Variants in RNF4 observed in about 807,000 individuals in gnomAD.
RNF4 encodes ring finger protein 4.
Under a neutral mutation model 24.3 loss-of-function variants are expected in RNF4, and 7 were observed. The ratio of observed to expected loss-of-function variants is 0.29; its 90% CI spans 0.16 to 0.54. The LOEUF is 0.54. Ranked by LOEUF, RNF4 falls within the 20% of genes least tolerant of loss-of-function variation. The pLI, the probability that RNF4 is intolerant of heterozygous loss-of-function variation, is 0.95. For synonymous variants in RNF4, 83 were observed against 84.3 expected (o/e 0.98, Z 0.09); for missense variants, 209 against 248.5 (o/e 0.84, Z 1.07).
chr4:2,492,394 C>T (rs944580181), intron 2 of RNF4, among the ~76,000 whole-genome samples: 9 of 152,222 alleles, frequency 5.9e-5, no homozygotes, highest in Admixed American at 1.3e-4. Flanking sequence ...CTCCTGGAAC[C>T]CCTTGAGCTC....
intron 3 of RNF4, among the ~76,000 whole-genome samples, chr4:2,498,243 G>A (rs755536199): frequency 9.2e-5 from 14 of 152,046 alleles, no homozygotes; most frequent in Non-Finnish European, 1.9e-4. Flanking sequence ...GAGTGCAATC[G>A]CGTGATCTCG....
chr4:2,510,735 T>A (rs2108779021), intron 4 of RNF4, among the ~76,000 whole-genome samples: 1 of 152,304 alleles, frequency 6.6e-6, no homozygotes, highest in East Asian at 1.9e-4. Context: ...GTGAGAACTT[T>A]CCTGAAACAG....
chr4:2,497,773 T>TA (rs1469779257), intron 3 of RNF4, among the ~76,000 whole-genome samples: 1 of 151,980 alleles, frequency 6.6e-6, no homozygotes, highest in Non-Finnish European at 1.5e-5. Context: ...TAGCTGGGAC[T>TA]ATAGGCACCC....
chr4:2,486,896 T>C (rs948276904), intron 1 of RNF4, among the ~76,000 whole-genome samples: 4 of 152,160 alleles, frequency 2.6e-5, no homozygotes, highest in Non-Finnish European at 4.4e-5. Context: ...ATATGATAGA[T>C]GTGCACCCAA....
At chr4:2,502,314 C>T (rs947898483) in intron 4 of RNF4, among the ~76,000 whole-genome samples, 2 of 152,200 alleles carry the variant, frequency 1.3e-5, no homozygotes, top group Non-Finnish European at 2.9e-5. Flanking sequence ...TGCAGGAAGA[C>T]AATGATTGAT....
intron 1 of RNF4, among the ~76,000 whole-genome samples, chr4:2,474,204 T>C (rs2108748196): frequency 8.6e-6 from 1 of 116,868 alleles, no homozygotes; most frequent in East Asian, 2.4e-4. Flanking sequence ...TGAAACACCG[T>C]CTCTACTAAA....
At chr4:2,477,959 A>G (rs950265252) in intron 1 of RNF4, among the ~76,000 whole-genome samples, 14 of 152,356 alleles carry the variant, frequency 9.2e-5, no homozygotes, top group African/African-American at 2.9e-4. Context: ...GGAACTCGCT[A>G]GAGACTTGTT....
intron 2 of RNF4, among the ~76,000 whole-genome samples, chr4:2,491,905 TAAGA>T (rs1236987609): frequency 2.6e-5 from 4 of 150,948 alleles, no homozygotes; most frequent in Middle Eastern, 3.4e-3. Context: ...GGCCAATTTT[TAAGA>T]AAAAATTGGC....
In RNF4 at chr4:2,469,201, G is replaced by C. The variant is rs1560395780; in HGVS notation, c.-215G>C. The C allele has an allele frequency of 6.6e-6, 1 of 152,234 alleles. No individual in the cohort carries two copies. Among genetic ancestry groups the C allele is most frequent in the Non-Finnish European group, 1.5e-5 (1 of 68,066 alleles). The allele number at this position is 152,234 out of a possible 1,614,324, so 9.4% of individuals were successfully genotyped here. On this transcript the variant is annotated 5_prime_UTR_variant, in exon 1 of 8. Transcript: ENST00000314289. ...GCTTCTTCTCCGGAGTGCGCCGGCG[G>C]TGGCGCCTGCGGACCTAACTAGCTC...
At chr4:2,471,780 G>A (rs1024625642) in intron 1 of RNF4, among the ~76,000 whole-genome samples, 4 of 152,150 alleles carry the variant, frequency 2.6e-5, no homozygotes, top group Non-Finnish European at 5.9e-5. Flanking sequence ...AGCCTAATCC[G>A]GAGCAAGGTA....
At chr4:2,473,798 G>A (rs539873417) in intron 1 of RNF4, among the ~76,000 whole-genome samples, 184 of 152,056 alleles carry the variant, frequency 1.2e-3, no homozygotes, top group African/African-American at 4.3e-3. Flanking sequence ...GCGACAGAGC[G>A]AGACTCTGTC....
At chr4:2,472,138 A>C (rs145823583) in intron 1 of RNF4, among the ~76,000 whole-genome samples, 2 of 152,304 alleles carry the variant, frequency 1.3e-5, no homozygotes, top group East Asian at 3.9e-4. Context: ...CAGTGACTTA[A>C]GTTGTAACTA....
chr4:2,497,558 G>A (rs957035398), intron 3 of RNF4, among the ~76,000 whole-genome samples: 1 of 152,198 alleles, frequency 6.6e-6, no homozygotes, highest in African/African-American at 2.4e-5. Flanking sequence ...TCAAGAAGTG[G>A]TTGATGGCTG....
At chr4:2,482,831 T>C (rs1735281987) in intron 1 of RNF4, among the ~76,000 whole-genome samples, 1 of 143,212 alleles carries the variant, frequency 7.0e-6, no homozygotes, top group Non-Finnish European at 1.6e-5. Flanking sequence ...TAGGAATAAA[T>C]AACTCTGGGT....
intron 4 of RNF4, among the ~76,000 whole-genome samples, chr4:2,503,992 G>A (rs887433626): frequency 6.6e-6 from 1 of 152,144 alleles, no homozygotes; most frequent in Non-Finnish European, 1.5e-5. Context: ...TGAGCAAGGA[G>A]GATCACTTGA....
At chr4:2,509,586 C>T (rs1736207591) in intron 4 of RNF4, among the ~76,000 whole-genome samples, 1 of 152,100 alleles carries the variant, frequency 6.6e-6, no homozygotes, top group South Asian at 2.1e-4. Context: ...CGGGGACAGT[C>T]AGAATTGTTA....
At chr4:2,507,679 T>C (rs1736142375) in intron 4 of RNF4, among the ~76,000 whole-genome samples, 1 of 152,006 alleles carries the variant, frequency 6.6e-6, no homozygotes, top group Non-Finnish European at 1.5e-5. Context: ...CATGCAGAGG[T>C]GTTCTGAGGC....
At chr4:2,507,894 G>A (rs1191026621) in intron 4 of RNF4, among the ~76,000 whole-genome samples, 1 of 151,146 alleles carries the variant, frequency 6.6e-6, no homozygotes, top group Non-Finnish European at 1.5e-5. Flanking sequence ...TTGCTCTGTT[G>A]CCCAGGCTGG....
chr4:2,483,034 C>T (rs368098022), intron 1 of RNF4, among the ~76,000 whole-genome samples: 3 of 152,188 alleles, frequency 2.0e-5, no homozygotes, highest in African/African-American at 7.2e-5. Context: ...TATTTAATAG[C>T]ACTCATACCT....
Sources: gnomAD v4.1 joint callset for allele counts (sites outside exome capture counted in the v4.1 genomes callset) on GRCh38, gnomAD v4.1.1 for gene constraint, MANE v1.5 for transcripts, NCBI Gene and HGNC (gene_info 2026-07-23, HGNC 2026-07-21) for gene names.